Variants in DAGLA observed in about 807,000 individuals in gnomAD.
The protein encoded by DAGLA is diacylglycerol lipase-alpha.
In DAGLA, 22 loss-of-function variants were observed where a neutral mutation model predicts 102.6. The observed-to-expected ratio is 0.21, with a 90% CI of 0.15 to 0.31. DAGLA has a LOEUF of 0.31. Among genes scored for constraint, DAGLA ranks in the 10% least tolerant of loss-of-function variants. The probability of loss-of-function intolerance (pLI) is 1.00; values close to 1 mark genes in which losing one functional copy is unlikely to be tolerated. For missense variants in DAGLA, 927 were observed against 1,446.6 expected (o/e 0.64, Z 5.83); for synonymous variants, 578 against 628.9 (o/e 0.92, Z 1.21).
Position 61,686,838 on chromosome 11 carries a change from C to T in DAGLA, c.-45+6334C>T, listed in dbSNP as rs1438793865. ...TATTGATGTCCCTTCGTTTATATAA[C>T]ATATGCTGCACCTCCCAGCCCCTGG... On this transcript the variant is annotated intron_variant, in intron 1 of 19. Transcript: ENST00000257215. The surrounding 1 kb of genome is among the most constrained non-coding windows in gnomAD (Gnocchi z 5.2). Among the ~76,000 whole-genome samples the T allele has an allele frequency of 6.6e-6, 1 of 152,266 alleles. No homozygotes were observed. The highest frequency in any genetic ancestry group is 1.9e-4 in the East Asian group (1 of 5,192).
chr11:61,728,066 C>A, intron 6 of DAGLA, 87 bp from the exon 7 acceptor site: 1 of 1,497,626 alleles, frequency 6.7e-7, no homozygotes, highest in Non-Finnish European at 9.2e-7. Context: ...GCTTCTGCAG[C>A]CTCCCAGCCC....
chr11:61,702,701 T>C (rs1264781211), intron 1 of DAGLA, among the ~76,000 whole-genome samples: 1 of 152,216 alleles, frequency 6.6e-6, no homozygotes, highest in Admixed American at 6.5e-5. Context: ...TAGCTTTCTG[T>C]GCTCTTTCCT....
chr11:61,728,436 C>T (rs2065348969), intron 7 of DAGLA, 149 bp downstream of exon 7: 1 of 942,920 alleles, frequency 1.1e-6, no homozygotes, highest in South Asian at 1.7e-5. Flanking sequence ...GTCACCTTTA[C>T]CTCTGGCTCC....
At chr11:61,705,682 C>T (rs980984899) in intron 1 of DAGLA, among the ~76,000 whole-genome samples, 3 of 152,224 alleles carry the variant, frequency 2.0e-5, no homozygotes, top group African/African-American at 4.8e-5. Context: ...GGCACCATGT[C>T]GGCTTTTGTC....
At chr11:61,697,775 G>A (rs2065078719) in intron 1 of DAGLA, among the ~76,000 whole-genome samples, 1 of 152,002 alleles carries the variant, frequency 6.6e-6, no homozygotes. Flanking sequence ...CTGCAGCCTC[G>A]AATTCCTGGG....
intron 1 of DAGLA, among the ~76,000 whole-genome samples, chr11:61,710,616 G>A (rs1172652020): frequency 6.6e-6 from 1 of 152,120 alleles, no homozygotes; most frequent in African/African-American, 2.4e-5. Flanking sequence ...CCTAGGAGTT[G>A]GAGCTCTCCC....
intron 1 of DAGLA, among the ~76,000 whole-genome samples, chr11:61,682,625 T>C (rs2064951838): frequency 6.6e-6 from 1 of 152,184 alleles, no homozygotes; most frequent in Non-Finnish European, 1.5e-5. Context: ...TGTCTGTGGC[T>C]GACAGATCTA....
intron 1 of DAGLA, among the ~76,000 whole-genome samples, chr11:61,701,922 G>A (rs1652228778): frequency 1.3e-5 from 2 of 152,034 alleles, no homozygotes; most frequent in Admixed American, 1.3e-4. Context: ...CTACAGGCAT[G>A]TGCCACCATG....
chr11:61,738,299 C>A, intron 16 of DAGLA, 92 bp downstream of exon 16: 1 of 1,110,246 alleles, frequency 9.0e-7, no homozygotes, highest in Non-Finnish European at 1.3e-6. Context: ...GCACAAGAGG[C>A]CCTGCCATGG....
At chr11:61,737,415 T>C in intron 14 of DAGLA, 91 bp downstream of exon 14, 1 of 1,556,146 alleles carries the variant, frequency 6.4e-7, no homozygotes, top group Non-Finnish European at 8.7e-7. Context: ...ACTGGGAGTC[T>C]GACTTCTGGT....
intron 4 of DAGLA, 43 bp from the exon 5 acceptor site, chr11:61,723,391 G>A (rs777881514): frequency 5.6e-6 from 9 of 1,595,904 alleles, no homozygotes; most frequent in Admixed American, 1.7e-5. Context: ...CCAGAGAGGT[G>A]TCCCCAGCGC....
At chr11:61,743,362 C>CACAAA (rs2065498386) in intron 19 of DAGLA, among the ~76,000 whole-genome samples, 170 bp from the exon 20 acceptor site, 1 of 51,964 alleles carries the variant, frequency 1.9e-5, no homozygotes, top group East Asian at 6.3e-4. Flanking sequence ...GACTCTGTCT[C>CACAAA]AAAAAAAAAA....
chr11:61,746,102 G>C lies in DAGLA; in HGVS notation c.*1613G>C, dbSNP rs1208099890. 6.6e-6 allele frequency: 1 copy of C among 152,318 alleles called. No individual in the cohort carries two copies. Among genetic ancestry groups the C allele is most frequent in the Non-Finnish European group, 1.5e-5 (1 of 68,074 alleles). The allele number at this position is 152,318 out of a possible 1,614,324, so 9.4% of individuals were successfully genotyped here. On this transcript the variant is annotated 3_prime_UTR_variant, in exon 20 of 20. Coordinates refer to ENST00000257215, the MANE Select transcript of DAGLA (RefSeq NM_006133.3). ...CCCGACCAAGAGACCTCCCTCTCAT[G>C]ATCACTGGTACCTGGGGGCCTGAAT...
chr11:61,695,227 G>A (rs1050240532), intron 1 of DAGLA, among the ~76,000 whole-genome samples: 2 of 152,202 alleles, frequency 1.3e-5, no homozygotes, highest in Non-Finnish European at 2.9e-5. Context: ...GCAAGAGGAG[G>A]GGAGCCAGCT....
chr11:61,725,302 T>C (rs558625204), intron 5 of DAGLA, among the ~76,000 whole-genome samples: 43 of 152,266 alleles, frequency 2.8e-4, no homozygotes, highest in African/African-American at 9.4e-4. Flanking sequence ...GGGTACAGAC[T>C]CCTGGAGACC....
intron 1 of DAGLA, among the ~76,000 whole-genome samples, chr11:61,685,392 G>A (rs1357899712): frequency 6.6e-6 from 1 of 152,158 alleles, no homozygotes; most frequent in Non-Finnish European, 1.5e-5. Flanking sequence ...AGATGTAATG[G>A]GTCTCATTAC....
chr11:61,728,908 T>TG, intron 7 of DAGLA, 23 bp from the exon 8 acceptor site: 1 of 1,612,190 alleles, frequency 6.2e-7, no homozygotes, highest in Non-Finnish European at 8.5e-7. Context: ...GTGATTGTCC[T>TG]TCTTCACCTG....
intron 1 of DAGLA, among the ~76,000 whole-genome samples, chr11:61,709,162 A>G (rs1308083078): frequency 6.6e-6 from 1 of 152,196 alleles, no homozygotes; most frequent in Non-Finnish European, 1.5e-5. Context: ...CTAAAAGTCC[A>G]GACTAGAATG....
chr11:61,743,448 C>T, intron 19 of DAGLA, 84 bp from the exon 20 acceptor site: 1 of 1,054,720 alleles, frequency 9.5e-7, no homozygotes, highest in Non-Finnish European at 1.3e-6. Context: ...TTATTCCCTG[C>T]AAGTTCCTTT....
Sources: gnomAD v4.1 joint callset for allele counts (sites outside exome capture counted in the v4.1 genomes callset) on GRCh38, gnomAD v4.1.1 for gene constraint, Gnocchi (gnomAD v3.1) non-coding constraint, MANE v1.5 for transcripts, NCBI Gene and HGNC (gene_info 2026-07-23, HGNC 2026-07-21) for gene names.